Variants in ANKRD46 observed in about 807,000 individuals in gnomAD.
ANKRD46 encodes the protein ankyrin repeat domain 46.
Under a neutral mutation model 19.8 loss-of-function variants are expected in ANKRD46, and 13 were observed. That is an observed-to-expected ratio of 0.66 (90% confidence interval 0.43 to 1.04). ANKRD46 has a LOEUF of 1.04. ANKRD46 is among the 50% of genes least tolerant of loss of function. ANKRD46 has a pLI of 0.00. For missense variants in ANKRD46, 185 were observed against 274.8 expected (o/e 0.67, Z 2.31); for synonymous variants, 91 against 106.9 (o/e 0.85, Z 0.92).
intron 1 of ANKRD46, among the ~76,000 whole-genome samples, chr8:100,539,621 T>C (rs1812134986): frequency 6.6e-6 from 1 of 152,262 alleles, no homozygotes; most frequent in South Asian, 2.1e-4. Context: ...CATTTCAGTC[T>C]AATGTGGCTG....
Position 100,525,603 on chromosome 8 carries a change from A to T in ANKRD46, c.470+2242T>A, listed in dbSNP as rs1811826679. ...AGTATAATATAATAATATTAGTAAT[A>T]TTCCATTGGATGAACAGATGATGTT... is the stretch of plus-strand genomic sequence containing the variant. On this transcript the variant is annotated intron_variant, in intron 4 of 4. Coordinates refer to ENST00000335659, the MANE Select transcript of ANKRD46 (RefSeq NM_001270377.2). This position sits in a 1 kb window ranked among gnomAD's most constrained non-coding sequence, Gnocchi z 4.4. Among the ~76,000 whole-genome samples the T allele has an allele frequency of 6.6e-6, 1 of 152,208 alleles. No homozygotes were observed. Among genetic ancestry groups the T allele is most frequent in the African/African-American group, 2.4e-5 (1 of 41,454 alleles).
Position 100,544,397 on chromosome 8 carries a change from T to C in ANKRD46, c.-130-11086A>G, listed in dbSNP as rs1349659674. Among the ~76,000 whole-genome samples, 4 of 152,200 alleles carry C rather than the reference T, an allele frequency of 2.6e-5. No individual in the cohort carries two copies. Among genetic ancestry groups the C allele is most frequent in the Non-Finnish European group, 4.4e-5 (3 of 68,032 alleles). On this transcript the variant is annotated intron_variant, in intron 1 of 4. Transcript: ENST00000335659. The surrounding 1 kb of genome is among the most constrained non-coding windows in gnomAD (Gnocchi z 4.4). ...ATCAACATCTAGAAAGAAGTGAGCA[T>C]TGGATCAAATCTCAGTGTCAGGATT...
rs957955692 is a variant in ANKRD46 at position 100,510,010 on chromosome 8, G to C, written c.*567C>G. On this transcript the variant is annotated 3_prime_UTR_variant, in exon 6 of 6. Coordinates refer to the ANKRD46 transcript ENST00000520552. The surrounding 1 kb of genome is among the most constrained non-coding windows in gnomAD (Gnocchi z 4.9). Reference sequence around the variant, plus strand: ...GCTGCCGGTGGCCATGGGTGGGAGTGAAGGGGCTCAGCCTTAGGGGCGGGA... The same window carrying C: ...GCTGCCGGTGGCCATGGGTGGGAGTCAAGGGGCTCAGCCTTAGGGGCGGGA... 1 of 152,472 alleles carries C rather than the reference G, an allele frequency of 6.6e-6. No homozygotes were observed. Among genetic ancestry groups the C allele is most frequent in the African/African-American group, 2.4e-5 (1 of 41,466 alleles). The allele number at this position is 152,472 out of a possible 1,614,324, so 9.4% of individuals were successfully genotyped here.
At position 100,510,853 on chromosome 8, in the gene ANKRD46, T is replaced by C. The variant is rs1811538118; in HGVS notation, c.637-214A>G. On this transcript the variant is annotated intron_variant, in intron 5 of 5. Transcript: ENST00000520552. This position sits in a 1 kb window ranked among gnomAD's most constrained non-coding sequence, Gnocchi z 4.9. ...TTCCTATAGGGAAGGCTGGGAAGAT[T>C]GGCAAGGACTGTGTTCAATGTCCTC... Among the ~76,000 whole-genome samples the C allele has an allele frequency of 6.6e-6, 1 of 152,156 alleles. No individual in the cohort carries two copies. The highest frequency in any genetic ancestry group is 2.4e-5 in the African/African-American group (1 of 41,432).
At position 100,522,757 on chromosome 8, in the gene ANKRD46, T is replaced by A; in HGVS notation, c.485A>T (p.His162Leu). 1 of 1,613,684 alleles carries A rather than the reference T, an allele frequency of 6.2e-7. No homozygotes were observed. Among genetic ancestry groups the A allele is most frequent in the Non-Finnish European group, 8.5e-7 (1 of 1,179,974 alleles). ...CTGCAGGTTGGGATTGAGGAGTGAATGGCTTTCCATGGCACTGTGGAAGAA... is the reference window on the plus strand; with the variant it reads ...CTGCAGGTTGGGATTGAGGAGTGAAAGGCTTTCCATGGCACTGTGGAAGAA... ...TAESESAMES[H>L]SLLNPNLQQG... Residue 162 changes from histidine to leucine, a missense_variant, in exon 5 of 5, where the codon CAT becomes CTT. Coordinates refer to ENST00000335659, the MANE Select transcript of ANKRD46 (RefSeq NM_001270377.2).
Position 100,527,692 on chromosome 8 carries a change from T to C in ANKRD46, c.470+153A>G, listed in dbSNP as rs1017802956. On this transcript the variant is annotated intron_variant, in intron 4 of 4. Transcript: ENST00000335659. The surrounding 1 kb of genome is among the most constrained non-coding windows in gnomAD (Gnocchi z 4.0). Reference sequence around the variant, plus strand: ...CATAAATCCACATACTTAAAGTGACTTTCCCCTTAAAAAATCGTATTATCT... The same window carrying C: ...CATAAATCCACATACTTAAAGTGACCTTCCCCTTAAAAAATCGTATTATCT... 2.6e-5 allele frequency among the ~76,000 whole-genome samples: 4 copies of C among 152,200 alleles called. No individual in the cohort carries two copies. The highest frequency in any genetic ancestry group is 9.7e-5 in the African/African-American group (4 of 41,438).
At chr8:100,556,324 C>G (rs907599240) in intron 1 of ANKRD46, among the ~76,000 whole-genome samples, 4 of 152,092 alleles carry the variant, frequency 2.6e-5, no homozygotes, top group Non-Finnish European at 2.9e-5. Context: ...CCCAGCCCAC[C>G]CAAGCATTTT....
intron 4 of ANKRD46, 93 bp from the exon 5 acceptor site, chr8:100,522,864 T>TACACACACAC (rs199938933): frequency 3.1e-4 from 186 of 594,202 alleles, no homozygotes; most frequent in African/African-American, 2.9e-3. Flanking sequence ...AAAGACCAAA[T>TACACACACAC]ACACACACAC....
At chr8:100,531,993 G>T (rs1029620571) in intron 2 of ANKRD46, among the ~76,000 whole-genome samples, 2 of 152,152 alleles carry the variant, frequency 1.3e-5, no homozygotes, top group Non-Finnish European at 2.9e-5. Flanking sequence ...GGCAGAAGGG[G>T]ACGCACTGGA....
At chr8:100,551,633 T>C (rs911284741) in intron 1 of ANKRD46, 1 of 709,808 alleles carries the variant, frequency 1.4e-6, no homozygotes, top group Non-Finnish European at 2.5e-6. Context: ...AATATCCACT[T>C]TACTAGAGTT....
In ANKRD46 at chr8:100,510,670, A is replaced by AG; in HGVS notation, c.637-32_637-31insC. ...AATGTGGGGAAGACAGATTAAAAAA[A>AG]AAAAAAAATCCCAGTTCTGTTAAGC... On this transcript the variant is annotated intron_variant, in intron 5 of 5. Coordinates refer to the ANKRD46 transcript ENST00000520552. The surrounding 1 kb of genome is among the most constrained non-coding windows in gnomAD (Gnocchi z 4.9). The AG allele has an allele frequency of 6.6e-7, 1 of 1,518,626 alleles. No homozygotes were observed. Among genetic ancestry groups the AG allele is most frequent in the Non-Finnish European group, 8.8e-7 (1 of 1,136,426 alleles). The allele number at this position is 1,518,626 out of a possible 1,614,324, so 94.1% of individuals were successfully genotyped here.
At chr8:100,528,103 A>G in intron 3 of ANKRD46, 100 bp from the exon 4 acceptor site, 2 of 1,267,708 alleles carry the variant, frequency 1.6e-6, no homozygotes, top group Non-Finnish European at 2.1e-6. Flanking sequence ...ACTTATATAG[A>G]TCTCAGTGAA....
At chr8:100,519,315 C>G (rs1285506202), downstream of ANKRD46, among the ~76,000 whole-genome samples, 1 of 152,144 alleles carries the variant, frequency 6.6e-6, no homozygotes, top group Non-Finnish European at 1.5e-5. Context: ...GGTCTCTTCT[C>G]TATGTGGTGA....
intron 1 of ANKRD46, chr8:100,551,222 C>A: frequency 2.2e-6 from 1 of 460,032 alleles, no homozygotes; most frequent in South Asian, 1.9e-5. Context: ...CCAAAGTTGT[C>A]ATGGATGGGC....
intron 1 of ANKRD46, among the ~76,000 whole-genome samples, chr8:100,535,290 G>A (rs866087290): frequency 4.0e-4 from 61 of 152,246 alleles, no homozygotes; most frequent in African/African-American, 1.3e-3. Flanking sequence ...CATATTTAAC[G>A]ATTGTCCAAT....
At chr8:100,549,149 T>A (rs1490225176) in intron 1 of ANKRD46, among the ~76,000 whole-genome samples, 28 of 147,430 alleles carry the variant, frequency 1.9e-4, no homozygotes, top group African/African-American at 5.0e-4. Context: ...AATTTTTTTT[T>A]AAAACATATG....
At chr8:100,526,128 A>T (rs1010927333) in intron 4 of ANKRD46, among the ~76,000 whole-genome samples, 5 of 152,228 alleles carry the variant, frequency 3.3e-5, no homozygotes, top group African/African-American at 9.6e-5. Context: ...CAGTGTTACA[A>T]TTAATACAAA....
At chr8:100,556,598 T>TAAATG in intron 1 of ANKRD46, 1 of 152,290 alleles carries the variant, frequency 6.6e-6, no homozygotes, top group Non-Finnish European at 1.5e-5. Context: ...CATACTGCAG[T>TAAATG]CTCCAATGCT....
rs957285696 is a variant in ANKRD46, at chr8:100,529,231, T to C, written c.311+292A>G. Among the ~76,000 whole-genome samples, 5 of 152,256 alleles carry C rather than the reference T, an allele frequency of 3.3e-5. No homozygotes were observed. Among genetic ancestry groups the C allele is most frequent in the African/African-American group, 4.8e-5 (2 of 41,476 alleles). ...TAACAAGTAAACACAGTCTAGCTCA[T>C]AGATTTTCAACAAATGTTCTTTTCT... On this transcript the variant is annotated intron_variant, in intron 3 of 4. Coordinates refer to ENST00000335659, the MANE Select transcript of ANKRD46 (RefSeq NM_001270377.2). This position sits in a 1 kb window ranked among gnomAD's most constrained non-coding sequence, Gnocchi z 5.8.
Sources: allele counts gnomAD v4.1 joint callset (sites outside exome capture counted in the v4.1 genomes callset), GRCh38; gene constraint gnomAD v4.1.1; non-coding constraint Gnocchi (gnomAD v3.1); transcripts MANE v1.5; gene names NCBI Gene and HGNC (gene_info 2026-07-23, HGNC 2026-07-21).